The following WWOX variants were observed in gnomAD, a reference collection of about 807,000 sequenced individuals.
WWOX encodes WW domain containing oxidoreductase.
WWOX carries 69 observed loss-of-function variants against 46.2 expected under a neutral mutation model. The observed-to-expected ratio is 1.49, with a 90% CI of 1.23 to 1.82. The LOEUF is 1.82. WWOX is among the 40% of genes most tolerant of loss of function. The pLI is 0.00. For missense variants in WWOX, 919 were observed against 542.6 expected (o/e 1.69, Z -6.89); for synonymous variants, 359 against 202.6 (o/e 1.77, Z -6.56).
At chr16:78,764,995 G>T (rs1015084753) in intron 8 of WWOX, among the ~76,000 whole-genome samples, 1 of 152,184 alleles carries the variant, frequency 6.6e-6, no homozygotes. Flanking sequence ...AGATATGGTT[G>T]AGGGATGCAG....
intron 5 of WWOX, among the ~76,000 whole-genome samples, chr16:78,357,153 A>T (rs1192513482): frequency 6.6e-6 from 1 of 152,156 alleles, no homozygotes; most frequent in African/African-American, 2.4e-5. Flanking sequence ...TCTTTGAGTC[A>T]CTGCAGTAAA....
intron 8 of WWOX, among the ~76,000 whole-genome samples, chr16:78,981,456 T>A (rs954821190): frequency 8.5e-5 from 12 of 141,662 alleles, no homozygotes; most frequent in African/African-American, 2.9e-4. Flanking sequence ...TTTTTTTTTT[T>A]AGGTGGAGTC....
At chr16:78,641,836 C>T (rs2046720783) in intron 8 of WWOX, among the ~76,000 whole-genome samples, 1 of 152,132 alleles carries the variant, frequency 6.6e-6, no homozygotes, top group African/African-American at 2.4e-5. Flanking sequence ...AAAGCAGCTG[C>T]AGAATTTCAG....
In WWOX at chr16:78,183,452, G is replaced by T. The variant is rs1021422745; in HGVS notation, c.516+19163G>T. On this transcript the variant is annotated intron_variant, in intron 5 of 8. Coordinates refer to ENST00000566780, the MANE Select transcript of WWOX (RefSeq NM_016373.4). ...GTTAGTGGTTGAGAACATGGATTTT[G>T]GAATCAGCCCGGTGGAGGTTGGAAT... 7.2e-5 allele frequency among the ~76,000 whole-genome samples: 11 copies of T among 152,330 alleles called. No individual in the cohort carries two copies. The East Asian group carries it at 1.3e-3, about 19-fold the overall frequency.
chr16:78,926,628 C>G (rs1006964404), intron 8 of WWOX, among the ~76,000 whole-genome samples: 2 of 152,150 alleles, frequency 1.3e-5, no homozygotes, highest in African/African-American at 4.8e-5. Flanking sequence ...TTTCATTCAA[C>G]AAGTGCTGAT....
intron 8 of WWOX, among the ~76,000 whole-genome samples, chr16:79,076,588 G>A (rs2048661591): frequency 6.6e-6 from 1 of 152,154 alleles, no homozygotes; most frequent in Non-Finnish European, 1.5e-5. Context: ...AGCCTATCCA[G>A]GCCCCTTCAT....
At chr16:78,413,916 G>C (rs1055946049) in intron 6 of WWOX, among the ~76,000 whole-genome samples, 7 of 151,730 alleles carry the variant, frequency 4.6e-5, no homozygotes, top group Non-Finnish European at 1.0e-4. Context: ...AGCCCAAGCT[G>C]AGCCGTCATA....
At chr16:78,263,593 G>C (rs1379973109) in intron 5 of WWOX, among the ~76,000 whole-genome samples, 1 of 152,150 alleles carries the variant, frequency 6.6e-6, no homozygotes, top group Admixed American at 6.5e-5. Flanking sequence ...TAGCTTTGCA[G>C]AGACTTTGTG....
intron 8 of WWOX, among the ~76,000 whole-genome samples, chr16:78,576,595 G>A (rs947961780): frequency 2.0e-5 from 3 of 152,258 alleles, no homozygotes; most frequent in Non-Finnish European, 4.4e-5. Context: ...CACATTGGAT[G>A]GCCCAGGCAG....
chr16:78,266,195 G>C (rs2079357908), intron 5 of WWOX: 1 of 152,058 alleles, frequency 6.6e-6, no homozygotes, highest in Non-Finnish European at 1.5e-5. Flanking sequence ...GTAATTGTTT[G>C]GGGGAAAAAA....
At chr16:78,110,079 T>C (rs1198448826) in intron 3 of WWOX, among the ~76,000 whole-genome samples, 3 of 151,462 alleles carry the variant, frequency 2.0e-5, no homozygotes, top group Admixed American at 6.6e-5. Flanking sequence ...TGGTGGCTCA[T>C]GCCTGTAATC....
At chr16:78,565,660 T>C (rs557783791) in intron 8 of WWOX, among the ~76,000 whole-genome samples, 1 of 152,314 alleles carries the variant, frequency 6.6e-6, no homozygotes, top group South Asian at 2.1e-4. Flanking sequence ...ATTTGGGGAA[T>C]TAGTGTGTAG....
intron 8 of WWOX, among the ~76,000 whole-genome samples, chr16:79,108,004 T>C (rs2049343852): frequency 1.3e-5 from 2 of 152,230 alleles, no homozygotes; most frequent in African/African-American, 4.8e-5. Flanking sequence ...ATTCAGCATA[T>C]GTATTACAAA....
intron 8 of WWOX, among the ~76,000 whole-genome samples, chr16:79,116,960 TAGC>T (rs1472131571): frequency 1.3e-5 from 2 of 152,178 alleles, no homozygotes; most frequent in Admixed American, 6.5e-5. Context: ...GGCATTGTAT[TAGC>T]AGGCATGGAA....
chr16:79,133,860 C>G (rs372642826), intron 8 of WWOX, among the ~76,000 whole-genome samples: 1 of 152,090 alleles, frequency 6.6e-6, no homozygotes. Context: ...AAAGGCTTGG[C>G]ACAAAAAATG....
intron 8 of WWOX, among the ~76,000 whole-genome samples, chr16:79,128,217 T>A (rs2049800126): frequency 6.6e-6 from 1 of 152,208 alleles, no homozygotes; most frequent in Non-Finnish European, 1.5e-5. Flanking sequence ...AGCTTAATGT[T>A]GTTTGTGGCA....
chr16:78,963,358 A>G (rs975070883), intron 8 of WWOX, among the ~76,000 whole-genome samples: 1 of 152,150 alleles, frequency 6.6e-6, no homozygotes, highest in Non-Finnish European at 1.5e-5. Context: ...GGTCCCAGCT[A>G]CTTGGGCAGC....
At chr16:79,147,874 C>T (rs2050208953) in intron 8 of WWOX, among the ~76,000 whole-genome samples, 1 of 152,090 alleles carries the variant, frequency 6.6e-6, no homozygotes, top group African/African-American at 2.4e-5. Flanking sequence ...TCTATATATC[C>T]TCTTCGGTGA....
chr16:78,601,462 A>G (rs553123138), intron 8 of WWOX, among the ~76,000 whole-genome samples: 31 of 152,232 alleles, frequency 2.0e-4, no homozygotes, highest in African/African-American at 6.3e-4. Context: ...AAGAAAGGAA[A>G]AAAACCAGAA....
Sources: gnomAD v4.1 joint callset for allele counts (sites outside exome capture counted in the v4.1 genomes callset) on GRCh38, gnomAD v4.1.1 for gene constraint, MANE v1.5 for transcripts, NCBI Gene and HGNC (gene_info 2026-07-23, HGNC 2026-07-21) for gene names.